The following PLXNA4 variants were observed in gnomAD, a reference collection of about 807,000 sequenced individuals.
PLXNA4 encodes the protein plexin A4, also known as plexin-A4.
In PLXNA4, 44 loss-of-function variants were observed where a neutral mutation model predicts 191.8. The observed-to-expected ratio is 0.23, with a 90% CI of 0.18 to 0.29. PLXNA4 has a LOEUF of 0.29. Ranked by LOEUF, PLXNA4 falls within the 10% of genes least tolerant of loss-of-function variation. The pLI is 1.00. For missense variants in PLXNA4, 1,800 were observed against 2,488.8 expected, an observed-to-expected ratio of 0.72 and a Z score of 5.89; for synonymous variants, 1,082 against 1,009.5, an observed-to-expected ratio of 1.07 and a Z score of -1.36.
At chr7:132,636,175 C>G (rs1048859996) in intron 2 of PLXNA4, among the ~76,000 whole-genome samples, 2 of 152,262 alleles carry the variant, frequency 1.3e-5, no homozygotes, top group African/African-American at 4.8e-5. Context: ...CAGGTTGGCT[C>G]AGCTCTGCGC....
At chr7:132,640,782 A>G (rs1008348915) in intron 2 of PLXNA4, among the ~76,000 whole-genome samples, 3 of 104,588 alleles carry the variant, frequency 2.9e-5, no homozygotes, top group African/African-American at 1.2e-4. Flanking sequence ...ACTGAAAAAA[A>G]AAAAAGGGGG....
chr7:132,179,564 C>A, intron 20 of PLXNA4, 123 bp downstream of exon 20: 2 of 1,402,618 alleles, frequency 1.4e-6, no homozygotes, highest in Non-Finnish European at 1.9e-6. Flanking sequence ...CCAGCACTGC[C>A]CACTGCTGCC....
intron 2 of PLXNA4, among the ~76,000 whole-genome samples, chr7:132,642,704 C>T (rs1803767311): frequency 6.6e-6 from 1 of 152,158 alleles, no homozygotes; most frequent in South Asian, 2.1e-4. Flanking sequence ...GTTTTTATAA[C>T]AGCAAAAGAT....
At chr7:132,452,424 C>T (rs1262992410) in intron 3 of PLXNA4, among the ~76,000 whole-genome samples, 1 of 152,106 alleles carries the variant, frequency 6.6e-6, no homozygotes, top group East Asian at 1.9e-4. Context: ...CTCAGAAGGC[C>T]AGGAAAAGAA....
rs76190531 is a variant in PLXNA4, at chr7:132,639,864, T to C, written c.-87+6064A>G. ...AATTTCCAGACCATGATGAGAGTCA[T>C]GGGTAGAAAGGGCACCACAGAGGAG... On this transcript the variant is annotated intron_variant, in intron 2 of 4. Coordinates refer to the PLXNA4 transcript ENST00000378539. Among the ~76,000 whole-genome samples, 228 of 152,266 alleles carry C rather than the reference T, an allele frequency of 1.5e-3. 2 individuals are homozygous for C. In the East Asian group the frequency reaches 0.02, roughly 13 times the overall value.
chr7:132,227,755 GTTA>G (rs1253530419), intron 6 of PLXNA4, 151 bp from the exon 7 acceptor site: 1 of 1,005,212 alleles, frequency 9.9e-7, no homozygotes, highest in East Asian at 2.6e-5. Context: ...AGAGACTCAG[GTTA>G]TTAGGAGAGT....
chr7:132,273,415 C>G (rs1253016150), intron 4 of PLXNA4, among the ~76,000 whole-genome samples: 3 of 152,154 alleles, frequency 2.0e-5, no homozygotes, highest in African/African-American at 7.2e-5. Flanking sequence ...TATAGGCTAT[C>G]TCAACCTTGA....
At chr7:132,161,823 C>A (rs990758356) in intron 24 of PLXNA4, among the ~76,000 whole-genome samples, 5 of 152,122 alleles carry the variant, frequency 3.3e-5, no homozygotes, top group African/African-American at 1.2e-4. Context: ...TCTAGCATTG[C>A]CTGGTTCCAG....
At chr7:132,472,376 T>C (rs781471420) in intron 3 of PLXNA4, among the ~76,000 whole-genome samples, 2 of 152,224 alleles carry the variant, frequency 1.3e-5, no homozygotes, top group Non-Finnish European at 2.9e-5. Context: ...TGCTGGATTC[T>C]TCATATCTAC....
chr7:132,619,570 T>C (rs188029102), intron 2 of PLXNA4, among the ~76,000 whole-genome samples: 1 of 152,368 alleles, frequency 6.6e-6, no homozygotes, highest in African/African-American at 2.4e-5. Context: ...TTTGTATTAA[T>C]CAGGAAAATA....
intron 23 of PLXNA4, 79 bp downstream of exon 23, chr7:132,165,055 G>T: frequency 6.5e-7 from 1 of 1,548,038 alleles, no homozygotes; most frequent in South Asian, 1.2e-5. Context: ...GGGAGGACTC[G>T]GGGGTGTGGA....
intron 3 of PLXNA4, among the ~76,000 whole-genome samples, chr7:132,371,333 A>G (rs186269147): frequency 3.9e-5 from 6 of 152,304 alleles, no homozygotes; most frequent in African/African-American, 7.2e-5. Context: ...ACCCTCTGAG[A>G]TGGCCCAAGA....
chr7:132,296,204 C>T (rs1194134254), intron 4 of PLXNA4, among the ~76,000 whole-genome samples: 1 of 152,140 alleles, frequency 6.6e-6, no homozygotes, highest in Non-Finnish European at 1.5e-5. Flanking sequence ...TTCATTCCTG[C>T]CTTCCTTTCC....
At chr7:132,409,826 T>C (rs1039359205) in intron 3 of PLXNA4, among the ~76,000 whole-genome samples, 6 of 152,178 alleles carry the variant, frequency 3.9e-5, no homozygotes, top group Admixed American at 3.3e-4. Context: ...ACCTCCCCTG[T>C]AGTCCCAACA....
chr7:132,616,715 T>C (rs1803163044), intron 2 of PLXNA4, among the ~76,000 whole-genome samples: 2 of 152,334 alleles, frequency 1.3e-5, no homozygotes, highest in African/African-American at 2.4e-5. Flanking sequence ...AACATTCTAT[T>C]ATGTTCTTCC....
At chr7:132,287,679 C>G (rs1800733850) in intron 4 of PLXNA4, among the ~76,000 whole-genome samples, 1 of 152,168 alleles carries the variant, frequency 6.6e-6, no homozygotes, top group Non-Finnish European at 1.5e-5. Flanking sequence ...AGACTTTTGC[C>G]TACACCAGTG....
chr7:132,173,829 C>G (rs1435146406), intron 21 of PLXNA4, among the ~76,000 whole-genome samples: 1 of 152,190 alleles, frequency 6.6e-6, no homozygotes, highest in Non-Finnish European at 1.5e-5. Flanking sequence ...AGCTGTAAGG[C>G]AGGTCACTGA....
intron 2 of PLXNA4, among the ~76,000 whole-genome samples, chr7:132,602,547 G>A (rs1303627965): frequency 3.3e-5 from 5 of 152,136 alleles, no homozygotes; most frequent in African/African-American, 1.2e-4. Flanking sequence ...TTTGTGACCA[G>A]GAGAAAAGTT....
chr7:132,395,453 G>C (rs1441271168), intron 3 of PLXNA4, among the ~76,000 whole-genome samples: 1 of 152,200 alleles, frequency 6.6e-6, no homozygotes, highest in East Asian at 1.9e-4. Flanking sequence ...GAGAGAGGGT[G>C]TCGGCCAGAT....
Sources: allele counts gnomAD v4.1 joint callset (sites outside exome capture counted in the v4.1 genomes callset), GRCh38; gene constraint gnomAD v4.1.1; transcripts MANE v1.5; gene names NCBI Gene and HGNC (gene_info 2026-07-23, HGNC 2026-07-21).